The following RIPOR3 variants were observed in gnomAD, a reference collection of about 807,000 sequenced individuals.
The protein encoded by RIPOR3 is family with sequence similarity 65 member C.
Under a neutral mutation model 114.3 loss-of-function variants are expected in RIPOR3, and 95 were observed. The observed-to-expected ratio is 0.83, with a 90% CI of 0.70 to 0.99. The LOEUF is 0.99. Ranked by LOEUF, RIPOR3 falls within the 50% of genes least tolerant of loss-of-function variation. RIPOR3 has a pLI of 0.00. For missense variants in RIPOR3, 1,252 were observed against 1,266.9 expected (o/e 0.99, Z 0.18); for synonymous variants, 575 against 543.8 (o/e 1.06, Z -0.80).
chr20:50,593,243 T>G (rs1408907112), intron 17 of RIPOR3, 47 bp from the exon 18 acceptor site: 1 of 1,583,548 alleles, frequency 6.3e-7, no homozygotes, highest in Non-Finnish European at 8.6e-7. Flanking sequence ...ACCTCGACCC[T>G]CCACGCTTCT....
intron 2 of RIPOR3, among the ~76,000 whole-genome samples, chr20:50,625,626 A>G (rs1488444028): frequency 1.3e-5 from 2 of 152,066 alleles, no homozygotes; most frequent in Non-Finnish European, 1.5e-5. Flanking sequence ...AGGAATTCCC[A>G]AGCTGAGGAG....
intron 1 of RIPOR3, among the ~76,000 whole-genome samples, chr20:50,686,135 C>T (rs2123638745): frequency 1.3e-5 from 2 of 152,108 alleles, no homozygotes; most frequent in Middle Eastern, 6.8e-3. Flanking sequence ...CGGCTCACTG[C>T]AAGCTCCGCC....
chr20:50,669,583 G>A (rs780588622), intron 1 of RIPOR3, among the ~76,000 whole-genome samples: 7 of 152,176 alleles, frequency 4.6e-5, no homozygotes, highest in Admixed American at 1.3e-4. Context: ...TCACCGCTGC[G>A]CACTGACCCT....
intron 1 of RIPOR3, among the ~76,000 whole-genome samples, chr20:50,666,181 C>CCTTTTCTTTCTTTT (rs1600720832): frequency 6.7e-5 from 1 of 14,926 alleles, no homozygotes; most frequent in African/African-American, 9.2e-5. Context: ...GAAAGGACAC[C>CCTTTTCTTTCTTTT]CATTTCTTTT....
intron 1 of RIPOR3, among the ~76,000 whole-genome samples, chr20:50,660,847 T>G (rs1341265113): frequency 7.0e-6 from 1 of 143,628 alleles, no homozygotes; most frequent in Non-Finnish European, 1.5e-5. Context: ...CTCGACCTCC[T>G]GGGCTCAAGG....
At chr20:50,657,180 A>T (rs2085840469) in intron 1 of RIPOR3, among the ~76,000 whole-genome samples, 2 of 152,216 alleles carry the variant, frequency 1.3e-5, no homozygotes, top group African/African-American at 4.8e-5. Context: ...TGAGCCCAGG[A>T]GTTCAAGACC....
intron 19 of RIPOR3, among the ~76,000 whole-genome samples, chr20:50,590,940 A>G (rs929351251): frequency 6.6e-5 from 10 of 152,154 alleles, no homozygotes; most frequent in Non-Finnish European, 1.3e-4. Context: ...CCCATACCCA[A>G]AAAACAAAAT....
At chr20:50,598,556 T>A (rs560656876) in intron 13 of RIPOR3, among the ~76,000 whole-genome samples, 8 of 152,170 alleles carry the variant, frequency 5.3e-5, no homozygotes, top group Admixed American at 2.6e-4. Flanking sequence ...GTTGCAGAGA[T>A]CACATTTTCC....
At chr20:50,634,461 T>A (rs78618295) in intron 1 of RIPOR3, among the ~76,000 whole-genome samples, 3,846 of 152,178 alleles carry the variant, frequency 0.025, 170 homozygotes, top group African/African-American at 0.088. Flanking sequence ...TGGATGCCCC[T>A]GACCTCCTCT....
intron 2 of RIPOR3, among the ~76,000 whole-genome samples, chr20:50,621,606 C>T (rs963804326): frequency 2.0e-5 from 3 of 152,156 alleles, no homozygotes; most frequent in African/African-American, 7.2e-5. Context: ...TTTCCCCTGG[C>T]ATTGCTAACC....
At chr20:50,601,324 C>T (rs774556767) in intron 13 of RIPOR3, among the ~76,000 whole-genome samples, 2 of 152,168 alleles carry the variant, frequency 1.3e-5, no homozygotes, top group Non-Finnish European at 2.9e-5. Context: ...ATCCCAGCTA[C>T]TCGGGACGCT....
At position 50,611,187 on chromosome 20, in the gene RIPOR3, C is replaced by A. The variant is rs1484016092; in HGVS notation, c.366G>T (p.Leu122=). The A allele has an allele frequency of 5.0e-6, 8 of 1,614,068 alleles. No homozygotes were observed. Among genetic ancestry groups the A allele is most frequent in the African/African-American group, 1.3e-5 (1 of 74,926 alleles). ...TCACCGTATGCAGACTCACCTTGTC[C>A]AGGTCATAATAGAAAGCCTGTGAGG... The part of the protein sequence containing the change: ...RNSRLAFYYD[L]DKQTRCVERH... The change falls in exon 5 of 22, where the codon CTG becomes CTT. Residue 122 remains leucine, a synonymous_variant. Transcript: ENST00000327979.
chr20:50,628,172 T>C (rs1432891554), intron 2 of RIPOR3, among the ~76,000 whole-genome samples: 1 of 152,218 alleles, frequency 6.6e-6, no homozygotes, highest in Non-Finnish European at 1.5e-5. Flanking sequence ...GCAGCACTTA[T>C]GGAGTGCCTG....
chr20:50,669,841 A>C (rs1054341780), intron 1 of RIPOR3, among the ~76,000 whole-genome samples: 5 of 151,366 alleles, frequency 3.3e-5, no homozygotes, highest in Non-Finnish European at 5.9e-5. Flanking sequence ...GGTCAGATGC[A>C]GTAGAGAAGA....
At chr20:50,605,890 A>G (rs2083694123) in intron 11 of RIPOR3, among the ~76,000 whole-genome samples, 1 of 152,182 alleles carries the variant, frequency 6.6e-6, no homozygotes, top group African/African-American at 2.4e-5. Context: ...TCCAGGTTAC[A>G]TGACCTCTAC....
chr20:50,660,206 C>T (rs942532873), intron 1 of RIPOR3: 9 of 152,162 alleles, frequency 5.9e-5, no homozygotes, highest in South Asian at 4.1e-4. Context: ...CACCTGAAAC[C>T]CACTCTACTT....
intron 16 of RIPOR3, 87 bp downstream of exon 16, chr20:50,595,282 T>C: frequency 6.5e-7 from 1 of 1,527,236 alleles, no homozygotes; most frequent in South Asian, 1.2e-5. Flanking sequence ...CTCTGGCTAT[T>C]AGGAAGGCAG....
Position 50,602,338 on chromosome 20 carries a change from C to T in RIPOR3, c.1393G>A (p.Gly465Ser). The change falls in exon 13 of 22, where the codon GGC becomes AGC. Residue 465 changes from glycine to serine, a missense_variant. Coordinates refer to ENST00000327979, the MANE Select transcript of RIPOR3 (RefSeq NM_001290268.2). The surrounding 1 kb of genome is among the most constrained non-coding windows in gnomAD (Gnocchi z 4.3). ...LLPEMAHLSG[G>S]PFAEQPGWRN... Reference sequence around the variant, plus strand: ...CAGCCAGGCTGCTCTGCAAACGGGCCTCCAGAGAGGTGGGCCATCTCTGGC... The same window carrying T: ...CAGCCAGGCTGCTCTGCAAACGGGCTTCCAGAGAGGTGGGCCATCTCTGGC... 2 of 1,613,926 alleles carry T rather than the reference C, an allele frequency of 1.2e-6. No individual in the cohort carries two copies. Among genetic ancestry groups the T allele is most frequent in the South Asian group, 2.2e-5 (2 of 91,086 alleles).
chr20:50,688,037 T>C (rs1436775104), intron 1 of RIPOR3, among the ~76,000 whole-genome samples: 2 of 148,774 alleles, frequency 1.3e-5, no homozygotes. Context: ...TTTGTTGATT[T>C]TTGCCCCCAG....
Sources: gnomAD v4.1 joint callset for allele counts (sites outside exome capture counted in the v4.1 genomes callset) on GRCh38, gnomAD v4.1.1 for gene constraint, Gnocchi (gnomAD v3.1) non-coding constraint, MANE v1.5 for transcripts, NCBI Gene and HGNC (gene_info 2026-07-23, HGNC 2026-07-21) for gene names.